The following HIF1A variants were observed in gnomAD, a reference collection of about 807,000 sequenced individuals.
HIF1A encodes hypoxia inducible factor 1 subunit alpha, also known as hypoxia-inducible factor 1-alpha.
HIF1A carries 24 observed loss-of-function variants against 92.7 expected under a neutral mutation model. That is an observed-to-expected ratio of 0.26 (90% CI 0.19 to 0.36). HIF1A has a LOEUF of 0.36. Among genes scored for constraint, HIF1A ranks in the 10% least tolerant of loss-of-function variants. The probability of loss-of-function intolerance (pLI) is 1.00; values close to 1 mark genes in which losing one functional copy is unlikely to be tolerated. For synonymous variants in HIF1A, 319 were observed against 338.7 expected, an observed-to-expected ratio of 0.94 and a Z score of 0.64; for missense variants, 799 against 998.5, an observed-to-expected ratio of 0.80 and a Z score of 2.69.
intron 6 of HIF1A, among the ~76,000 whole-genome samples, chr14:61,730,858 G>GA (rs1231432139): frequency 6.6e-6 from 1 of 152,256 alleles, no homozygotes; most frequent in East Asian, 1.9e-4. Flanking sequence ...TATTTAAACA[G>GA]AAAAATATAA....
intron 1 of HIF1A, among the ~76,000 whole-genome samples, chr14:61,708,477 A>T (rs572508864): frequency 1.3e-5 from 2 of 152,210 alleles, no homozygotes; most frequent in East Asian, 1.9e-4. Context: ...AATTAATTTT[A>T]GCATAAGGTG....
chr14:61,737,872 C>G (rs1283524819), intron 9 of HIF1A, among the ~76,000 whole-genome samples: 5 of 152,036 alleles, frequency 3.3e-5, no homozygotes, highest in Middle Eastern at 3.4e-3. Context: ...ACCAAAAATA[C>G]AAAAGTTAGC....
chr14:61,697,066 A>G (rs183574275), intron 1 of HIF1A, among the ~76,000 whole-genome samples: 1 of 152,322 alleles, frequency 6.6e-6, no homozygotes, highest in East Asian at 1.9e-4. Context: ...TGGTTAGTAG[A>G]CTGGCTTTGC....
At position 61,738,235 on chromosome 14, in the gene HIF1A, T is replaced by C; in HGVS notation, c.1398T>C (p.Ala466=). ...CGCCAAAGCCACTTCGAAGTAGTGC[T>C]GACCCTGCACTCAATCAAGAAGTTG... ...AETPKPLRSS[A]DPALNQEVAL... The change falls in exon 10 of 15, where the codon GCT becomes GCC. Residue 466 remains alanine (A), a synonymous_variant. Coordinates refer to ENST00000337138, the MANE Select transcript of HIF1A (RefSeq NM_001530.4). The C allele has an allele frequency of 3.7e-6, 6 of 1,614,148 alleles. No individual in the cohort carries two copies. The highest frequency in any genetic ancestry group is 5.1e-6 in the Non-Finnish European group (6 of 1,180,002).
At chr14:61,726,473 T>C (rs1164940567) in intron 4 of HIF1A, 2 of 311,764 alleles carry the variant, frequency 6.4e-6, no homozygotes, top group Non-Finnish European at 1.2e-5. Context: ...TTAACTGTTA[T>C]CCCAAATATG....
At position 61,738,919 on chromosome 14, in the gene HIF1A, T is replaced by G. The variant is rs116908431; in HGVS notation, c.1536+546T>G. On this transcript the variant is annotated intron_variant, in intron 10 of 14. Coordinates refer to ENST00000337138, the MANE Select transcript of HIF1A (RefSeq NM_001530.4). Reference sequence around the variant, plus strand: ...GCCTGGCTAATTTTTTAACCTTTTTTTGTGTGTGTGTGTGGAGTTGGGGTT... The same window carrying G: ...GCCTGGCTAATTTTTTAACCTTTTTGTGTGTGTGTGTGTGGAGTTGGGGTT... 1.7e-3 allele frequency among the ~76,000 whole-genome samples: 258 copies of G among 151,814 alleles called. 6 individuals are homozygous for G. The East Asian group carries it at 0.035, about 21-fold the overall frequency.
intron 1 of HIF1A, among the ~76,000 whole-genome samples, chr14:61,712,978 A>G (rs1412259469): frequency 6.6e-6 from 1 of 152,040 alleles, no homozygotes; most frequent in African/African-American, 2.4e-5. Flanking sequence ...AAAAACAGAA[A>G]CAAAATGATG....
intron 1 of HIF1A, among the ~76,000 whole-genome samples, chr14:61,704,803 T>C (rs1486602137): frequency 6.6e-6 from 1 of 152,200 alleles, no homozygotes; most frequent in East Asian, 1.9e-4. Context: ...CAGGTATTTG[T>C]GCAGCTAATT....
chr14:61,744,779 A>C lies in HIF1A; in HGVS notation c.2168A>C (p.Glu723Ala). Reference protein sequence around the residue: ...LQNAQRKRKMEHDGSLFQAVG... With the variant: ...LQNAQRKRKMAHDGSLFQAVG... ...AATGCTCAGAGAAAGCGAAAAATGG[A>C]ACATGATGGTTCACTTTTTCAAGCA... Residue 723 changes from glutamate (E) to alanine (A), a missense_variant, in exon 13 of 15, where the codon GAA (glutamate) becomes GCA (alanine). Transcript: ENST00000337138. The C allele has an allele frequency of 6.3e-7, 1 of 1,595,884 alleles. No homozygotes were observed. The highest frequency in any genetic ancestry group is 8.6e-7 in the Non-Finnish European group (1 of 1,166,356).
In HIF1A at chr14:61,738,081, CCACAGA is replaced by C; in HGVS notation, c.1251_1256del (p.Asp417_Thr418del). The C allele has an allele frequency of 6.3e-7, 1 of 1,576,660 alleles. No homozygotes were observed. The highest frequency in any genetic ancestry group is 8.6e-7 in the Non-Finnish European group (1 of 1,164,050). ...CTTTAGATTGACTCATATTTTTTCC[CCACAGA>C]CACAGAAACTGATGACCAGCAACTT... On this transcript the variant is annotated splice_acceptor_variant and splice_polypyrimidine_tract_variant and coding_sequence_variant and intron_variant, in exon 10 of 15. Coordinates refer to ENST00000337138, the MANE Select transcript of HIF1A (RefSeq NM_001530.4). LOFTEE classifies it high-confidence loss of function.
At chr14:61,727,702 A>T (rs762546187) in intron 6 of HIF1A, 47 bp downstream of exon 6, 1 of 1,302,962 alleles carries the variant, frequency 7.7e-7, no homozygotes, top group African/African-American at 1.5e-5. Context: ...ATTAGTCTAC[A>T]GCATTACTGA....
intron 14 of HIF1A, among the ~76,000 whole-genome samples, chr14:61,746,377 G>A (rs1409917549): frequency 7.2e-6 from 1 of 139,502 alleles, no homozygotes; most frequent in Admixed American, 7.3e-5. Context: ...TGAAATTTGT[G>A]AACTTTTATG....
chr14:61,733,694 A>G (rs1244270234), intron 7 of HIF1A, among the ~76,000 whole-genome samples: 1 of 152,246 alleles, frequency 6.6e-6, no homozygotes, highest in Non-Finnish European at 1.5e-5. Flanking sequence ...AAATTGCCAA[A>G]AGACTTACAA....
Position 61,726,730 on chromosome 14 carries a change from A to T in HIF1A, c.482A>T (p.Gln161Leu). The T allele has an allele frequency of 6.2e-7, 1 of 1,608,336 alleles. No individual in the cohort carries two copies. Among genetic ancestry groups the T allele is most frequent in the Non-Finnish European group, 8.5e-7 (1 of 1,177,434 alleles). The part of the protein sequence containing the change: ...RNGLVKKGKE[Q>L]NTQRSFFLRM... Reference sequence around the variant, plus strand: ...GGCCTTGTGAAAAAGGGTAAAGAACAAAACACACAGCGAAGCTTTTTTCTC... The same window carrying T: ...GGCCTTGTGAAAAAGGGTAAAGAACTAAACACACAGCGAAGCTTTTTTCTC... Residue 161 changes from glutamine (Q) to leucine (L), a missense_variant, in exon 5 of 15, where the codon CAA (glutamine) becomes CTA (leucine). By Grantham distance (113) the Gln-to-Leu change is moderately radical. Coordinates refer to ENST00000337138, the MANE Select transcript of HIF1A (RefSeq NM_001530.4).
chr14:61,740,023 G>T, intron 10 of HIF1A: 1 of 147,318 alleles, frequency 6.8e-6, no homozygotes, highest in Non-Finnish European at 1.5e-5. Context: ...GGCAAAATTA[G>T]TTACCAGTAT....
chr14:61,732,383 T>G, intron 6 of HIF1A, 35 bp from the exon 7 acceptor site: 1 of 1,404,846 alleles, frequency 7.1e-7, no homozygotes, highest in Non-Finnish European at 1.0e-6. Flanking sequence ...AGTGTCTCCC[T>G]TTTTTTTCTT....
intron 4 of HIF1A, among the ~76,000 whole-genome samples, chr14:61,722,604 T>C (rs2044447419): frequency 6.6e-6 from 1 of 152,188 alleles, no homozygotes. Flanking sequence ...AATAGGACTT[T>C]AGACAGTCAT....
intron 7 of HIF1A, among the ~76,000 whole-genome samples, chr14:61,733,430 A>C (rs2044599761): frequency 6.6e-6 from 1 of 152,226 alleles, no homozygotes; most frequent in African/African-American, 2.4e-5. Context: ...ATAAGATTTG[A>C]TTCTGAATTT....
At chr14:61,711,019 C>T (rs758805035) in intron 1 of HIF1A, among the ~76,000 whole-genome samples, 4 of 148,264 alleles carry the variant, frequency 2.7e-5, no homozygotes, top group Non-Finnish European at 5.9e-5. Context: ...TGTACTTCAG[C>T]CTTGGGCAAC....
Sources: allele counts gnomAD v4.1 joint callset (sites outside exome capture counted in the v4.1 genomes callset), GRCh38; gene constraint gnomAD v4.1.1; transcripts MANE v1.5; gene names NCBI Gene and HGNC (gene_info 2026-07-23, HGNC 2026-07-21).